OTOF: variants seen among roughly 807,000 people sequenced by gnomAD.
The protein encoded by OTOF is otoferlin, also known as fer-1-like family member 2.
Under a neutral mutation model 236.8 loss-of-function variants are expected in OTOF, and 218 were observed. The observed-to-expected ratio is 0.92, with a 90% CI of 0.82 to 1.03. The LOEUF is 1.03. Ranked by LOEUF, OTOF falls within the 50% of genes least tolerant of loss-of-function variation. The pLI, the probability that OTOF is intolerant of heterozygous loss-of-function variation, is 0.00. For missense variants in OTOF, 2,590 were observed against 2,694.4 expected, an observed-to-expected ratio of 0.96 and a Z score of 0.86; for synonymous variants, 1,041 against 1,072.5, an observed-to-expected ratio of 0.97 and a Z score of 0.57.
intron 3 of OTOF, among the ~76,000 whole-genome samples, chr2:26,523,937 C>A (rs1301164043): frequency 1.3e-5 from 2 of 152,256 alleles, no homozygotes; most frequent in Non-Finnish European, 2.9e-5. Flanking sequence ...ATTCCAAACA[C>A]CTCTCTCCCA....
intron 2 of OTOF, 63 bp downstream of exon 2, chr2:26,537,653 C>A (rs1040437824): frequency 7.6e-7 from 1 of 1,311,130 alleles, no homozygotes; most frequent in Non-Finnish European, 1.1e-6. Flanking sequence ...CAAGAGGCAG[C>A]GAAGGGTGGC....
At chr2:26,549,336 C>T (rs1428166192) in intron 1 of OTOF, among the ~76,000 whole-genome samples, 2 of 152,160 alleles carry the variant, frequency 1.3e-5, no homozygotes, top group African/African-American at 4.8e-5. Context: ...ATGAGAAACA[C>T]ATCTTCAATT....
rs763274859 is a variant in OTOF at position 26,502,372 on chromosome 2, C to T, written c.638G>A (p.Gly213Glu). 6 of 1,613,812 alleles carry T rather than the reference C, an allele frequency of 3.7e-6. No individual in the cohort carries two copies. The highest frequency in any genetic ancestry group is 1.1e-5 in the South Asian group (1 of 91,062). The stretch of plus-strand genomic sequence containing the variant: ...CACCGAGTCGGGATCCAGTCCATCT[C>T]CTAGCCGAATGGCCAGATGGTCAAG... The part of the protein sequence containing the change: ...EDLDHLAIRL[G>E]DGLDPDSVSL... The change falls in exon 7 of 47, where the codon GGA (glycine) becomes GAA (glutamate). Residue 213 changes from glycine (G) to glutamate (E), a missense_variant. By Grantham distance (98) the Gly-to-Glu change is moderately conservative. Transcript: ENST00000272371.
chr2:26,491,148 G>A (rs1348188132), intron 9 of OTOF, among the ~76,000 whole-genome samples: 1 of 152,156 alleles, frequency 6.6e-6, no homozygotes, highest in Non-Finnish European at 1.5e-5. Context: ...GGAGAGTGGC[G>A]TGAGGGGCCC....
rs142508813 is a variant in OTOF, at chr2:26,536,685, C to T, written c.138+1031G>A. The stretch of plus-strand genomic sequence containing the variant: ...TCAAGAGGCACAGTCTGCTATGAGG[C>T]CCTTCCCAGCCCCCACAGAGCCAAG... On this transcript the variant is annotated intron_variant, in intron 2 of 46. Transcript: ENST00000272371. 2.1e-4 allele frequency among the ~76,000 whole-genome samples: 32 copies of T among 152,232 alleles called. No homozygotes were observed. The East Asian group carries it at 5.0e-3, about 24-fold the overall frequency.
chr2:26,502,994 G>T (rs997369259), intron 6 of OTOF, among the ~76,000 whole-genome samples: 1 of 152,216 alleles, frequency 6.6e-6, no homozygotes, highest in Non-Finnish European at 1.5e-5. Context: ...GCCACCCAAG[G>T]ATGCTGGGTT....
At chr2:26,501,861 G>T (rs1004002954) in intron 7 of OTOF, 53 bp from the exon 8 acceptor site, 17 of 1,311,496 alleles carry the variant, frequency 1.3e-5, no homozygotes, top group Non-Finnish European at 1.9e-5. Context: ...GCTTGTTGGG[G>T]AGGAGGACAC....
rs779119416 is a variant in OTOF, at chr2:26,482,515, T to TG, written c.1469dup (p.Leu491ThrfsTer26). 6.2e-7 allele frequency: 1 copy of TG among 1,612,984 alleles called. No homozygotes were observed. Among genetic ancestry groups the TG allele is most frequent in the Non-Finnish European group, 8.5e-7 (1 of 1,179,854 alleles). On this transcript the variant is annotated frameshift_variant, in exon 14 of 47. Coordinates refer to ENST00000272371, the MANE Select transcript of OTOF (RefSeq NM_194248.3). LOFTEE classifies it high-confidence loss of function. ...TCTGCACCTTCATGCGTTTGCAGAG[T>TG]GGGGGGAAGAGGTCTGTAAAGACGA... is the stretch of plus-strand genomic sequence containing the variant.
intron 5 of OTOF, among the ~76,000 whole-genome samples, chr2:26,515,506 C>T (rs1666501641): frequency 6.6e-6 from 1 of 152,210 alleles, no homozygotes. Flanking sequence ...AAGGAGAAAA[C>T]ATATTTGTCC....
chr2:26,475,417 T>A lies in OTOF; in HGVS notation c.3068A>T (p.His1023Leu), dbSNP rs1665207093. Reference sequence around the variant, plus strand: ...GATGGGCGGATCGTCCCTCAGCTCATGAGCTTCACCATAGAGCTCCAGGTT... The same window carrying A: ...GATGGGCGGATCGTCCCTCAGCTCAAGAGCTTCACCATAGAGCTCCAGGTT... Reference protein sequence around the residue: ...FDNLELYGEAHELRDDPPIIV... With the variant: ...FDNLELYGEALELRDDPPIIV... Residue 1023 changes from histidine (H) to leucine (L), a missense_variant, in exon 25 of 47, where the codon CAT becomes CTT. By Grantham distance (99) the His-to-Leu change is moderately conservative. Coordinates refer to ENST00000272371, the MANE Select transcript of OTOF (RefSeq NM_194248.3). The A allele has an allele frequency of 6.2e-7, 1 of 1,612,888 alleles. No homozygotes were observed. Among genetic ancestry groups the A allele is most frequent in the Non-Finnish European group, 8.5e-7 (1 of 1,179,782 alleles).
At chr2:26,519,762 C>G (rs1666630349) in intron 3 of OTOF, among the ~76,000 whole-genome samples, 1 of 152,182 alleles carries the variant, frequency 6.6e-6, no homozygotes, top group African/African-American at 2.4e-5. Flanking sequence ...CTCTCAGTGT[C>G]GGTTTTCTCA....
Position 26,480,972 on chromosome 2 carries a change from C to T in OTOF, c.1617G>A (p.Met539Ile). Residue 539 changes from methionine (M) to isoleucine (I), a missense_variant, in exon 15 of 47, where the codon ATG (methionine) becomes ATA (isoleucine). Transcript: ENST00000272371. ...GCGTGTAGTTACGTGTGGAGCCGTA[C>T]ATGTTCACCCAGGCTGGGCCCAGTG... is the stretch of plus-strand genomic sequence containing the variant. ...LPTLGPAWVNMYGSTRNYTLL... is the reference protein window; with the variant it reads ...LPTLGPAWVNIYGSTRNYTLL... 1.2e-6 allele frequency: 2 copies of T among 1,611,404 alleles called. No individual in the cohort carries two copies. The highest frequency in any genetic ancestry group is 1.7e-6 in the Non-Finnish European group (2 of 1,179,408).
chr2:26,475,823 G>A, intron 24 of OTOF, 91 bp downstream of exon 24: 1 of 1,498,698 alleles, frequency 6.7e-7, no homozygotes, highest in Non-Finnish European at 9.0e-7. Context: ...GGCCCCACAG[G>A]CTCACAGGCC....
Position 26,477,083 on chromosome 2 carries a change from G to T in OTOF, c.2524-40C>A. ...GTGGCCAGGGGCAGTGGGTAAGGGG[G>T]TCTAGCCTCCTGATTGAGCCCCCTG... On this transcript the variant is annotated intron_variant, in intron 21 of 46. Coordinates refer to ENST00000272371, the MANE Select transcript of OTOF (RefSeq NM_194248.3). This position sits in a 1 kb window ranked among gnomAD's most constrained non-coding sequence, Gnocchi z 4.7. 2 of 1,524,768 alleles carry T rather than the reference G, an allele frequency of 1.3e-6. No homozygotes were observed. Among genetic ancestry groups the T allele is most frequent in the South Asian group, 1.2e-5 (1 of 85,312 alleles). 94.5% of individuals were successfully genotyped at this position (1,524,768 alleles called of 1,614,324 possible). A position where few individuals can be genotyped will look rare whatever the true frequency, so the allele number is the denominator to read the frequency against.
chr2:26,542,481 T>A (rs1306185019), intron 1 of OTOF, among the ~76,000 whole-genome samples: 1 of 152,056 alleles, frequency 6.6e-6, no homozygotes. Flanking sequence ...AAAGTGTAAA[T>A]AAAGTGAGAA....
intron 2 of OTOF, among the ~76,000 whole-genome samples, chr2:26,528,681 T>TTTTAC (rs1453966427): frequency 1.2e-3 from 176 of 152,330 alleles, no homozygotes; most frequent in African/African-American, 3.9e-3. Context: ...CCCCATTCTG[T>TTTTAC]AAAAAGCTGC....
chr2:26,497,384 T>A (rs772594234), intron 8 of OTOF, among the ~76,000 whole-genome samples: 12 of 152,236 alleles, frequency 7.9e-5, no homozygotes, highest in Non-Finnish European at 1.6e-4. Context: ...CGTGAGCCAC[T>A]GAGCCCGGCA....
chr2:26,494,233 C>A (rs1665919604), intron 9 of OTOF, among the ~76,000 whole-genome samples: 1 of 152,238 alleles, frequency 6.6e-6, no homozygotes. Flanking sequence ...AGTAGAAGGT[C>A]TCTGAGGTCC....
At chr2:26,524,310 C>A (rs1666749003) in intron 3 of OTOF, among the ~76,000 whole-genome samples, 1 of 152,184 alleles carries the variant, frequency 6.6e-6, no homozygotes, top group Non-Finnish European at 1.5e-5. Context: ...GAGTTCGAGA[C>A]CATCCTGGCC....
Sources: gnomAD v4.1 joint callset for allele counts (sites outside exome capture counted in the v4.1 genomes callset) on GRCh38, gnomAD v4.1.1 for gene constraint, Gnocchi (gnomAD v3.1) non-coding constraint, MANE v1.5 for transcripts, NCBI Gene and HGNC (gene_info 2026-07-23, HGNC 2026-07-21) for gene names.